The following MYO7B variants were observed in gnomAD, a reference collection of about 807,000 sequenced individuals.
MYO7B encodes the protein unconventional myosin-VIIb.
In MYO7B, 212 loss-of-function variants were observed where a neutral mutation model predicts 259.7. The observed-to-expected ratio is 0.82, with a 90% CI of 0.73 to 0.91. The LOEUF (loss-of-function observed/expected upper bound fraction) is 0.91. Ranked by LOEUF, MYO7B falls within the 40% of genes least tolerant of loss-of-function variation. The pLI, the probability that MYO7B is intolerant of heterozygous loss-of-function variation, is 0.00. For synonymous variants in MYO7B, 1,197 were observed against 1,166.4 expected (o/e 1.03, Z -0.54); for missense variants, 2,732 against 2,813.5 (o/e 0.97, Z 0.66).
chr2:127,571,614 G>C (rs1678632452), intron 6 of MYO7B, among the ~76,000 whole-genome samples: 1 of 151,552 alleles, frequency 6.6e-6, no homozygotes, highest in South Asian at 2.1e-4. Flanking sequence ...CCGAGTAGCT[G>C]GAATTATAGG....
At chr2:127,570,575 G>A (rs1409337510) in intron 6 of MYO7B, among the ~76,000 whole-genome samples, 1 of 152,240 alleles carries the variant, frequency 6.6e-6, no homozygotes, top group Non-Finnish European at 1.5e-5. Flanking sequence ...GGACAGCACA[G>A]TCTCTCTCGT....
intron 1 of MYO7B, among the ~76,000 whole-genome samples, chr2:127,552,085 C>T (rs984852279): frequency 2.6e-5 from 4 of 152,088 alleles, no homozygotes; most frequent in African/African-American, 4.8e-5. Flanking sequence ...CAGGGGCCCA[C>T]GTCATGTATG....
intron 1 of MYO7B, among the ~76,000 whole-genome samples, chr2:127,544,932 A>G (rs1485242227): frequency 2.6e-5 from 4 of 151,660 alleles, no homozygotes; most frequent in Admixed American, 2.0e-4. Context: ...TCACTGTGTT[A>G]GCCAGGATGG....
intron 5 of MYO7B, 139 bp downstream of exon 5, chr2:127,566,966 G>A: frequency 1.1e-6 from 1 of 889,772 alleles, no homozygotes; most frequent in Non-Finnish European, 1.6e-6. Flanking sequence ...AACGGCCCCA[G>A]TTACCCTGCA....
intron 16 of MYO7B, among the ~76,000 whole-genome samples, chr2:127,591,080 T>A (rs1679539564): frequency 6.6e-6 from 1 of 152,166 alleles, no homozygotes; most frequent in Admixed American, 6.5e-5. Flanking sequence ...TCTCAGCTAC[T>A]CAGGAGGCTG....
chr2:127,557,116 T>A (rs1183098255), intron 1 of MYO7B, among the ~76,000 whole-genome samples: 1 of 152,182 alleles, frequency 6.6e-6, no homozygotes, highest in Non-Finnish European at 1.5e-5. Flanking sequence ...TGAATTGAGT[T>A]AATTCTGAAT....
chr2:127,544,223 C>A (rs1003945849), intron 1 of MYO7B, among the ~76,000 whole-genome samples: 1 of 151,982 alleles, frequency 6.6e-6, no homozygotes, highest in African/African-American at 2.4e-5. Flanking sequence ...ACCACAGGTG[C>A]TCACCACCAT....
Position 127,565,259 on chromosome 2 carries a change from T to C in MYO7B, c.159T>C (p.Phe53=). Residue 53 remains phenylalanine, a synonymous_variant, in exon 4 of 48, where the codon TTT becomes TTC. Coordinates refer to ENST00000409816, the MANE Select transcript of MYO7B (RefSeq NM_001393586.1). ...GKEHWIRAED[F]GVLSPMHPNS... ...AACACTGGATCCGAGCAGAGGACTT[T>C]GGTGTCCTCAGTCCCATGCACCCCA... is the stretch of plus-strand genomic sequence containing the variant. 1 of 1,613,918 alleles carries C rather than the reference T, an allele frequency of 6.2e-7. No individual in the cohort carries two copies. Among genetic ancestry groups the C allele is most frequent in the Non-Finnish European group, 8.5e-7 (1 of 1,179,824 alleles).
At position 127,607,550 on chromosome 2, in the gene MYO7B, G is replaced by A. The variant is rs990490440; in HGVS notation, c.2643+126G>A. On this transcript the variant is annotated intron_variant, in intron 21 of 47. Transcript: ENST00000409816. This position sits in a 1 kb window ranked among gnomAD's most constrained non-coding sequence, Gnocchi z 4.4. ...CGCTTTGGAAAATCCCCCCGCCCCC[G>A]CCACAAGCCAAGACGTTAAAATCTG... is the stretch of plus-strand genomic sequence containing the variant. 9 of 761,488 alleles carry A rather than the reference G, an allele frequency of 1.2e-5. No homozygotes were observed. Among genetic ancestry groups the A allele is most frequent in the South Asian group, 5.5e-5 (3 of 54,344 alleles). 47.2% of individuals were successfully genotyped at this position (761,488 alleles called of 1,614,324 possible). A position where few individuals can be genotyped will look rare whatever the true frequency, so the allele number is the denominator to read the frequency against.
rs1367545265 is a variant in MYO7B, at chr2:127,580,814, T to G, written c.1072T>G (p.Leu358Val). 1 of 1,612,874 alleles carries G rather than the reference T, an allele frequency of 6.2e-7. No individual in the cohort carries two copies. Among genetic ancestry groups the G allele is most frequent in the Non-Finnish European group, 8.5e-7 (1 of 1,179,546 alleles). The change falls in exon 10 of 48, where the codon TTA becomes GTA. Residue 358 changes from leucine (L) to valine (V), a missense_variant. Leu to Val is a conservative substitution (Grantham distance 32). Around this residue, in one of 3 missense-constraint regions of MYO7B, gnomAD observed 1,906 missense variants for 2,026.4 expected, o/e 0.94. Coordinates refer to ENST00000409816, the MANE Select transcript of MYO7B (RefSeq NM_001393586.1). ...GCCCGCCTTTCCCACCGTGATGAAG[T>G]TACTGGAGGTAGGGGTGCTGTGCCC... ...ETPAFPTVMK[L>V]LEVQHQELRD...
At chr2:127,545,838 A>G (rs1307750048) in intron 1 of MYO7B, among the ~76,000 whole-genome samples, 1 of 152,222 alleles carries the variant, frequency 6.6e-6, no homozygotes, top group Non-Finnish European at 1.5e-5. Context: ...TCAGCCTGTG[A>G]ATCCTTGGAC....
chr2:127,589,391 G>A (rs1215067843), intron 15 of MYO7B, among the ~76,000 whole-genome samples: 1 of 150,394 alleles, frequency 6.6e-6, no homozygotes, highest in South Asian at 2.1e-4. Flanking sequence ...GCATGGGTGG[G>A]TGCATGTGGC....
At position 127,628,591 on chromosome 2, in the gene MYO7B, T is replaced by C; in HGVS notation, c.4624+56T>C. ...GGGTGGGGTGGGGGAGGGCCGCGCA[T>C]GGGGTCTGTAGGTAGGTGGCATGCT... is the stretch of plus-strand genomic sequence containing the variant. On this transcript the variant is annotated intron_variant, in intron 34 of 47. Transcript: ENST00000409816. This position sits in a 1 kb window ranked among gnomAD's most constrained non-coding sequence, Gnocchi z 4.8. 1 of 1,383,162 alleles carries C rather than the reference T, an allele frequency of 7.2e-7. No homozygotes were observed. The highest frequency in any genetic ancestry group is 9.8e-7 in the Non-Finnish European group (1 of 1,021,540). The allele number at this position is 1,383,162 out of a possible 1,614,324, so 85.7% of individuals were successfully genotyped here.
In MYO7B at chr2:127,635,811, C is replaced by T. The variant is rs1255630963; in HGVS notation, c.5910C>T (p.Asn1970=). The change falls in exon 44 of 48, where the codon AAC becomes AAT. Residue 1970 remains asparagine, a synonymous_variant. Transcript: ENST00000409816. ...LAGLIYKAQF[N]NDRSQLASVP... ...GCCTCATCTACAAGGCCCAGTTCAA[C>T]AACGACCGGTCCCAGCTGGCTAGTG... 1 of 1,590,252 alleles carries T rather than the reference C, an allele frequency of 6.3e-7. No individual in the cohort carries two copies.
In MYO7B at chr2:127,565,371, C is replaced by A. The variant is rs919517000; in HGVS notation, c.271C>A (p.Gln91Lys). 12 of 1,613,918 alleles carry A rather than the reference C, an allele frequency of 7.4e-6. No homozygotes were observed. Among genetic ancestry groups the A allele is most frequent in the Middle Eastern group, 1.6e-4 (1 of 6,084 alleles). The change falls in exon 4 of 48, where the codon CAG becomes AAG. Residue 91 changes from glutamine (Q) to lysine (K), a missense_variant. By Grantham distance (53) the Gln-to-Lys change is moderately conservative. Transcript: ENST00000409816. ...GCACAACCTCCTGATCCGCTACCAG[C>A]AGCACAAGATCTATGTGAGTCTCCC... is the stretch of plus-strand genomic sequence containing the variant. The part of the protein sequence containing the change: ...MVHNLLIRYQ[Q>K]HKIYTYTGSI...
intron 9 of MYO7B, among the ~76,000 whole-genome samples, chr2:127,579,379 G>A (rs554517427): frequency 6.6e-6 from 1 of 152,248 alleles, no homozygotes; most frequent in African/African-American, 2.4e-5. Flanking sequence ...ACCATCTCAC[G>A]CCATGTGAGA....
Position 127,546,072 on chromosome 2 carries a change from C to T in MYO7B, c.-24+10241C>T, listed in dbSNP as rs1693218201. Among the ~76,000 whole-genome samples, 1 of 152,354 alleles carries T rather than the reference C, an allele frequency of 6.6e-6. No homozygotes were observed. Among genetic ancestry groups the T allele is most frequent in the East Asian group, 1.9e-4 (1 of 5,188 alleles). ...TCAGCTCTGGGGAGCAGGGAATAGG[C>T]AGTCAGCTGGTGGCATAGGAGAACT... On this transcript the variant is annotated intron_variant, in intron 1 of 47. Coordinates refer to ENST00000409816, the MANE Select transcript of MYO7B (RefSeq NM_001393586.1). This position sits in a 1 kb window ranked among gnomAD's most constrained non-coding sequence, Gnocchi z 4.2.
intron 1 of MYO7B, among the ~76,000 whole-genome samples, chr2:127,540,940 C>T (rs145043061): frequency 5.3e-5 from 8 of 152,284 alleles, no homozygotes; most frequent in Admixed American, 3.3e-4. Context: ...GGGGGTTTCT[C>T]ACAGGCTATC....
At chr2:127,608,636 G>T in intron 21 of MYO7B, 72 bp from the exon 22 acceptor site, 1 of 1,509,264 alleles carries the variant, frequency 6.6e-7, no homozygotes, top group South Asian at 1.3e-5. Context: ...TGCTTGCCCT[G>T]TGGGGTAGGC....
Sources: gnomAD v4.1 joint callset for allele counts (sites outside exome capture counted in the v4.1 genomes callset) on GRCh38, gnomAD v4.1.1 for gene constraint, gnomAD v4.1.1 regional missense constraint, Gnocchi (gnomAD v3.1) non-coding constraint, MANE v1.5 for transcripts, NCBI Gene and HGNC (gene_info 2026-07-23, HGNC 2026-07-21) for gene names.